Variants in CHST9 observed in about 807,000 individuals in gnomAD.
The protein encoded by CHST9 is carbohydrate sulfotransferase 9.
A neutral mutation model predicts 44.4 loss-of-function variants in CHST9; 41 were observed. That is an observed-to-expected ratio of 0.92 (90% CI 0.72 to 1.20). The LOEUF (loss-of-function observed/expected upper bound fraction) is 1.20. CHST9 is among the 50% of genes most tolerant of loss of function. The pLI, the probability that CHST9 is intolerant of heterozygous loss-of-function variation, is 0.00. For missense variants in CHST9, 504 were observed against 516.5 expected, an observed-to-expected ratio of 0.98 and a Z score of 0.23; for synonymous variants, 171 against 178.4, an observed-to-expected ratio of 0.96 and a Z score of 0.33.
intron 5 of CHST9, among the ~76,000 whole-genome samples, chr18:26,941,862 G>T (rs1004791935): frequency 1.6e-4 from 25 of 152,164 alleles, no homozygotes; most frequent in African/African-American, 5.3e-4. Context: ...AATAGCCGTG[G>T]GCTAAAAGCA....
intron 4 of CHST9, among the ~76,000 whole-genome samples, chr18:26,987,412 G>T (rs1324482267): frequency 6.6e-6 from 1 of 152,030 alleles, no homozygotes; most frequent in Non-Finnish European, 1.5e-5. Flanking sequence ...AAATGACCCA[G>T]TCTCAGATAT....
chr18:27,142,377 C>G (rs2058575166), intron 2 of CHST9, among the ~76,000 whole-genome samples: 3 of 152,132 alleles, frequency 2.0e-5, no homozygotes, highest in Non-Finnish European at 1.5e-5. Flanking sequence ...GCTCCATGGA[C>G]AGATAAGAAG....
chr18:26,985,496 G>A (rs1334819962), intron 4 of CHST9, among the ~76,000 whole-genome samples: 2 of 152,210 alleles, frequency 1.3e-5, no homozygotes, highest in Non-Finnish European at 2.9e-5. Context: ...TTACCAACTT[G>A]AGTTCCCAGG....
intron 1 of CHST9, among the ~76,000 whole-genome samples, chr18:27,144,045 T>C (rs983188035): frequency 6.6e-6 from 1 of 152,152 alleles, no homozygotes; most frequent in Non-Finnish European, 1.5e-5. Context: ...CAGTAAGCCG[T>C]GTGGTGAGCT....
At chr18:27,125,889 C>T (rs1176224976) in intron 2 of CHST9, among the ~76,000 whole-genome samples, 4 of 151,882 alleles carry the variant, frequency 2.6e-5, no homozygotes, top group Admixed American at 1.3e-4. Flanking sequence ...TCAATATTCT[C>T]CAAAACAAAG....
In CHST9 at chr18:27,084,634, TG is replaced by T. The variant is rs545397100; in HGVS notation, c.122-36132del. Among the ~76,000 whole-genome samples the T allele has an allele frequency of 9.2e-5, 14 of 151,738 alleles. No individual in the cohort carries two copies. In the South Asian group the frequency reaches 2.9e-3, roughly 31 times the overall value. On this transcript the variant is annotated intron_variant, in intron 2 of 5. Coordinates refer to ENST00000618847, the MANE Select transcript of CHST9 (RefSeq NM_031422.6). ...TCATTGATCTTTTGTATGGTTTTTT[TG>T]GTCTCAATTTTGTTTAGTTCAGCTC...
chr18:26,995,874 T>C (rs1046172350), intron 4 of CHST9, among the ~76,000 whole-genome samples: 4 of 152,236 alleles, frequency 2.6e-5, no homozygotes, highest in African/African-American at 9.6e-5. Context: ...TCTATAATAA[T>C]TTAGTTTAGG....
At chr18:26,960,063 G>A (rs1478539067) in intron 4 of CHST9, among the ~76,000 whole-genome samples, 1 of 152,166 alleles carries the variant, frequency 6.6e-6, no homozygotes, top group African/African-American at 2.4e-5. Context: ...CCAATTTAAA[G>A]AAGTAAGTTT....
rs150494922 is a variant in CHST9 at position 26,945,173 on chromosome 18, A to G, written c.203-807T>C. Among the ~76,000 whole-genome samples the G allele has an allele frequency of 4.9e-4, 74 of 152,320 alleles. No individual in the cohort carries two copies. The East Asian group carries it at 0.013, about 27-fold the overall frequency. ...GTGAACACCTTAGTGTGTTACAAAC[A>G]TTTTATTAAATGTGTCCCTTTTAAA... is the stretch of plus-strand genomic sequence containing the variant. On this transcript the variant is annotated intron_variant, in intron 4 of 5. Coordinates refer to ENST00000618847, the MANE Select transcript of CHST9 (RefSeq NM_031422.6).
At chr18:26,974,516 C>T (rs903247580) in intron 4 of CHST9, among the ~76,000 whole-genome samples, 12 of 152,166 alleles carry the variant, frequency 7.9e-5, no homozygotes, top group African/African-American at 2.4e-4. Flanking sequence ...GTGACTTTAG[C>T]TTTAGGTTAT....
intron 5 of CHST9, among the ~76,000 whole-genome samples, chr18:26,926,630 G>C (rs1202386212): frequency 6.6e-6 from 1 of 152,120 alleles, no homozygotes; most frequent in African/African-American, 2.4e-5. Context: ...ACTTGCACAA[G>C]GTCACTCTAG....
At chr18:26,928,281 G>A (rs2055811679) in intron 5 of CHST9, 1 of 152,868 alleles carries the variant, frequency 6.5e-6, no homozygotes, top group African/African-American at 2.4e-5. Context: ...CACTGGAAAA[G>A]GGGATTGGCT....
intron 4 of CHST9, among the ~76,000 whole-genome samples, chr18:27,002,048 A>G (rs977997189): frequency 6.2e-4 from 92 of 148,708 alleles, no homozygotes; most frequent in African/African-American, 2.1e-3. Flanking sequence ...TGACAAAGTA[A>G]AAAAAAAAAG....
Position 27,057,274 on chromosome 18 carries a change from T to C in CHST9, c.122-8771A>G, listed in dbSNP as rs79147724. Among the ~76,000 whole-genome samples, 897 of 152,346 alleles carry C rather than the reference T, an allele frequency of 5.9e-3. 14 individuals are homozygous for C. Among genetic ancestry groups the C allele is most frequent in the African/African-American group, 0.021 (855 of 41,574 alleles). On this transcript the variant is annotated intron_variant, in intron 2 of 5. Coordinates refer to ENST00000618847, the MANE Select transcript of CHST9 (RefSeq NM_031422.6). ...AACAGGGATGTGAAAGGATTTTATG[T>C]ACTACATTGTAAGAGGAGGAACAGA... is the stretch of plus-strand genomic sequence containing the variant.
At chr18:26,960,101 A>C (rs187255656) in intron 4 of CHST9, among the ~76,000 whole-genome samples, 519 of 152,248 alleles carry the variant, frequency 3.4e-3, no homozygotes, top group Admixed American at 5.7e-3. Context: ...GTGGGATGAT[A>C]AGCTCGGTTT....
intron 5 of CHST9, chr18:26,924,548 T>A (rs2339249): frequency 4.7e-6 from 4 of 844,270 alleles, no homozygotes; most frequent in Non-Finnish European, 5.7e-6. Flanking sequence ...CTCTTAATAA[T>A]GTATCTTTTG....
rs1454211107 is a variant in CHST9, at chr18:26,973,582, G to GT, written c.203-29217dup. Reference sequence around the variant, plus strand: ...AAACTTTCTTAAAACATGACATTATGTTTTTTTGCAATTTTTAAAAGCGTA... The same window carrying GT: ...AAACTTTCTTAAAACATGACATTATGTTTTTTTTGCAATTTTTAAAAGCGTA... On this transcript the variant is annotated intron_variant, in intron 4 of 5. Transcript: ENST00000618847. Among the ~76,000 whole-genome samples, 17 of 152,220 alleles carry GT rather than the reference G, an allele frequency of 1.1e-4. No homozygotes were observed. The South Asian group carries it at 1.5e-3, about 13-fold the overall frequency.
intron 2 of CHST9, among the ~76,000 whole-genome samples, chr18:27,060,215 G>T (rs182169486): frequency 6.6e-6 from 1 of 152,274 alleles, no homozygotes; most frequent in Admixed American, 6.5e-5. Context: ...GTTCAGGGAG[G>T]GGCCCTAGAG....
intron 5 of CHST9, among the ~76,000 whole-genome samples, chr18:26,925,443 G>A (rs232324): frequency 0.42 from 64,484 of 151,990 alleles, 14,185 homozygotes; most frequent in East Asian, 0.71. Context: ...TGCTGGAGCT[G>A]GTGTCTCAAA....
Sources: gnomAD v4.1 joint callset for allele counts (sites outside exome capture counted in the v4.1 genomes callset) on GRCh38, gnomAD v4.1.1 for gene constraint, MANE v1.5 for transcripts, NCBI Gene and HGNC (gene_info 2026-07-23, HGNC 2026-07-21) for gene names.